Variants in PIK3CD observed in about 807,000 individuals in gnomAD.
PIK3CD encodes the protein phosphatidylinositol 4,5-bisphosphate 3-kinase catalytic subunit delta isoform.
A neutral mutation model predicts 122.9 loss-of-function variants in PIK3CD; 20 were observed. The ratio of observed to expected loss-of-function variants is 0.16; its 90% CI spans 0.11 to 0.24. PIK3CD has a LOEUF of 0.24. PIK3CD is among the 10% of genes least tolerant of loss of function. PIK3CD has a pLI of 1.00. For synonymous variants in PIK3CD, 596 were observed against 593.4 expected (o/e 1.00, Z -0.06); for missense variants, 787 against 1,406.3 (o/e 0.56, Z 7.04).
chr1:9,654,718 G>A, intron 1 of PIK3CD: 2 of 342,128 alleles, frequency 5.8e-6, no homozygotes, highest in South Asian at 2.2e-5. Flanking sequence ...GGGCCTGATG[G>A]TGGGGTTTGG....
Position 9,727,311 on chromosome 1 carries a change from C to G in PIK3CD, c.*265C>G. The G allele has an allele frequency of 1.9e-6, 1 of 528,230 alleles. No individual in the cohort carries two copies. The highest frequency in any genetic ancestry group is 3.4e-6 in the Non-Finnish European group (1 of 292,086). The allele number at this position is 528,230 out of a possible 1,614,324, so 32.7% of individuals were successfully genotyped here. A position where few individuals can be genotyped will look rare whatever the true frequency, so the allele number is the denominator to read the frequency against. On this transcript the variant is annotated 3_prime_UTR_variant, in exon 24 of 24. Coordinates refer to ENST00000377346, the MANE Select transcript of PIK3CD (RefSeq NM_005026.5). ...GGCTCTCGGCTGAGGATTGTCACCC[C>G]AAGTCTTCCAGCTGGTGGATCTGGG...
At chr1:9,703,254 C>T (rs780413926) in intron 2 of PIK3CD, among the ~76,000 whole-genome samples, 16 of 152,204 alleles carry the variant, frequency 1.1e-4, no homozygotes, top group Non-Finnish European at 1.9e-4. Flanking sequence ...AGGGAGATAA[C>T]GTGTAGTGAT....
chr1:9,726,806 A>G (rs1649715517), intron 23 of PIK3CD, 103 bp from the exon 24 acceptor site: 1 of 1,428,526 alleles, frequency 7.0e-7, no homozygotes, highest in African/African-American at 1.4e-5. Context: ...GGAGCTCTCT[A>G]CTAACCATTT....
At position 9,728,411 on chromosome 1, in the gene PIK3CD, A is replaced by T. The variant is rs1287982797; in HGVS notation, c.*1365A>T. 6.6e-6 allele frequency: 1 copy of T among 152,254 alleles called. No homozygotes were observed. Among genetic ancestry groups the T allele is most frequent in the Non-Finnish European group, 1.5e-5 (1 of 68,058 alleles). The allele number at this position is 152,254 out of a possible 1,614,324, so 9.4% of individuals were successfully genotyped here. Reference sequence around the variant, plus strand: ...GGGGCTAGGACTGTGGGCTTTTAGCAGCCCACAGGTGATCCTAACATATCA... The same window carrying T: ...GGGGCTAGGACTGTGGGCTTTTAGCTGCCCACAGGTGATCCTAACATATCA... On this transcript the variant is annotated 3_prime_UTR_variant, in exon 24 of 24. Coordinates refer to ENST00000377346, the MANE Select transcript of PIK3CD (RefSeq NM_005026.5).
chr1:9,720,977 T>C lies in PIK3CD; in HGVS notation c.1689+68T>C. On this transcript the variant is annotated intron_variant, in intron 13 of 23. Coordinates refer to ENST00000377346, the MANE Select transcript of PIK3CD (RefSeq NM_005026.5). The surrounding 1 kb of genome is among the most constrained non-coding windows in gnomAD (Gnocchi z 9.0). Reference sequence around the variant, plus strand: ...CACAGCCTCTGGCTACCCACCACCCTGACCCCGGCCAACCCCCACCCTCAC... The same window carrying C: ...CACAGCCTCTGGCTACCCACCACCCCGACCCCGGCCAACCCCCACCCTCAC... 6.8e-7 allele frequency: 1 copy of C among 1,478,406 alleles called. No homozygotes were observed. The highest frequency in any genetic ancestry group is 1.2e-5 in the South Asian group (1 of 83,226). The allele number at this position is 1,478,406 out of a possible 1,614,324, so 91.6% of individuals were successfully genotyped here.
At chr1:9,685,270 G>T (rs891557963) in intron 1 of PIK3CD, among the ~76,000 whole-genome samples, 3 of 152,106 alleles carry the variant, frequency 2.0e-5, no homozygotes, top group African/African-American at 7.2e-5. Flanking sequence ...TATTCTAATA[G>T]AATTAAAAGC....
Position 9,710,149 on chromosome 1 carries a change from A to G in PIK3CD, c.-32-275A>G. ...TTCGTGGATGTGTATGTTCCTGAGG[A>G]AAGATGATTTGCTGTGCGTGCTCCT... On this transcript the variant is annotated intron_variant, in intron 2 of 23. Transcript: ENST00000377346. The surrounding 1 kb of genome is among the most constrained non-coding windows in gnomAD (Gnocchi z 4.7). 2.3e-6 allele frequency: 1 copy of G among 432,486 alleles called. No homozygotes were observed. The highest frequency in any genetic ancestry group is 4.3e-6 in the Non-Finnish European group (1 of 230,342). 26.8% of individuals were successfully genotyped at this position (432,486 alleles called of 1,614,324 possible).
the PIK3CD span, among the ~76,000 whole-genome samples, chr1:9,645,499 C>A: frequency 6.6e-6 from 1 of 151,870 alleles, no homozygotes; most frequent in Non-Finnish European, 1.5e-5. Flanking sequence ...GCTCTTGTTG[C>A]CCAGGCTGGA....
At chr1:9,644,971 C>T in the PIK3CD span, among the ~76,000 whole-genome samples, 3,550 of 151,784 alleles carry the variant, frequency 0.023, 114 homozygotes, top group African/African-American at 0.071. Flanking sequence ...CAGGCCCTTC[C>T]GCAGAGCTTG....
rs1240754637 is a variant in PIK3CD, at chr1:9,652,925, T to C, written c.-138+1123T>C. Reference sequence around the variant, plus strand: ...CCTTGGGATCTGCCCAGTTTGCGGATGGAGCGCGGGGCTGATCGGGCAGGT... The same window carrying C: ...CCTTGGGATCTGCCCAGTTTGCGGACGGAGCGCGGGGCTGATCGGGCAGGT... On this transcript the variant is annotated intron_variant, in intron 1 of 23. Transcript: ENST00000377346. This position sits in a 1 kb window ranked among gnomAD's most constrained non-coding sequence, Gnocchi z 6.2. 1 of 152,268 alleles carries C rather than the reference T, an allele frequency of 6.6e-6. No homozygotes were observed. Among genetic ancestry groups the C allele is most frequent in the Non-Finnish European group, 1.5e-5 (1 of 68,118 alleles). 9.4% of individuals were successfully genotyped at this position (152,268 alleles called of 1,614,324 possible).
chr1:9,711,183 T>A (rs1230066859), intron 3 of PIK3CD, among the ~76,000 whole-genome samples: 4 of 152,032 alleles, frequency 2.6e-5, no homozygotes, highest in Non-Finnish European at 4.4e-5. Flanking sequence ...AACCTCTGCC[T>A]CCCAGGCTCA....
At position 9,718,644 on chromosome 1, in the gene PIK3CD, GA is replaced by G. The variant is rs1647954891; in HGVS notation, c.1021-49del. The G allele has an allele frequency of 6.5e-7, 1 of 1,527,374 alleles. No individual in the cohort carries two copies. Among genetic ancestry groups the G allele is most frequent in the Non-Finnish European group, 9.0e-7 (1 of 1,115,274 alleles). 94.6% of individuals were successfully genotyped at this position (1,527,374 alleles called of 1,614,324 possible). A position where few individuals can be genotyped will look rare whatever the true frequency, so the allele number is the denominator to read the frequency against. On this transcript the variant is annotated intron_variant, in intron 8 of 23. Coordinates refer to ENST00000377346, the MANE Select transcript of PIK3CD (RefSeq NM_005026.5). The surrounding 1 kb of genome is among the most constrained non-coding windows in gnomAD (Gnocchi z 7.2). ...GACTGACACCTTAAGGGGGAGGGGA[GA>G]GGGGCTGGGCCTCTGCCTCCTCACC...
At chr1:9,654,376 T>C (rs1057160156) in intron 1 of PIK3CD, 1 of 1,367,604 alleles carries the variant, frequency 7.3e-7, no homozygotes, top group East Asian at 4.6e-5. Context: ...AAGTGTTTCC[T>C]GAGATCACAC....
Position 9,722,575 on chromosome 1 carries a change from G to A in PIK3CD, c.2395G>A (p.Val799Ile), listed in dbSNP as rs778136495. 6.2e-6 allele frequency: 10 copies of A among 1,613,682 alleles called. No homozygotes were observed. Among genetic ancestry groups the A allele is most frequent in the Middle Eastern group, 1.7e-4 (1 of 6,060 alleles). Reference protein sequence around the residue: ...LTLQMIQLMDVLWKQEGLDLR... With the variant: ...LTLQMIQLMDILWKQEGLDLR... The stretch of plus-strand genomic sequence containing the variant: ...CCTGCAGATGATCCAGCTCATGGAC[G>A]TCCTGTGGAAGCAGGAGGGGCTGGA... Residue 799 changes from valine to isoleucine, a missense_variant, in exon 19 of 24, where the codon GTC (valine) becomes ATC (isoleucine). Physicochemically the swap from Val to Ile is conservative, Grantham distance 29 (BLOSUM62 3). This residue lies in a region of PIK3CD where 69 missense variants were observed against 166.8 expected (regional missense o/e 0.41). Coordinates refer to ENST00000377346, the MANE Select transcript of PIK3CD (RefSeq NM_005026.5). The surrounding 1 kb of genome is among the most constrained non-coding windows in gnomAD (Gnocchi z 7.6).
chr1:9,649,004 A>T (rs982005337), upstream of PIK3CD, among the ~76,000 whole-genome samples: 2 of 152,140 alleles, frequency 1.3e-5, no homozygotes, highest in African/African-American at 4.8e-5. Context: ...TGGGAGGCTG[A>T]GGCATGAGAG....
chr1:9,720,625 G>A lies in PIK3CD; in HGVS notation c.1485G>A (p.Gly495=). The stretch of plus-strand genomic sequence containing the variant: ...GTTTGTTGCAGATCTTGGAGCTGGG[G>A]CGACACAGCGAGTGTGTGCATGTCA... ...YPALEKILEL[G]RHSECVHVTE... Residue 495 remains glycine (G), a synonymous_variant, in exon 12 of 24, where the codon GGG becomes GGA. Coordinates refer to ENST00000377346, the MANE Select transcript of PIK3CD (RefSeq NM_005026.5). The surrounding 1 kb of genome is among the most constrained non-coding windows in gnomAD (Gnocchi z 9.0). 1.3e-6 allele frequency: 2 copies of A among 1,504,898 alleles called. No homozygotes were observed. The highest frequency in any genetic ancestry group is 1.8e-6 in the Non-Finnish European group (2 of 1,124,436). 93.2% of individuals were successfully genotyped at this position (1,504,898 alleles called of 1,614,324 possible).
intron 2 of PIK3CD, among the ~76,000 whole-genome samples, chr1:9,709,733 A>G (rs1646976457): frequency 1.3e-5 from 2 of 151,918 alleles, no homozygotes; most frequent in Admixed American, 6.6e-5. Flanking sequence ...ACAGCTGGGT[A>G]TGGTGGCTCA....
chr1:9,650,436 GAAAC>G (rs1298767551), upstream of PIK3CD, among the ~76,000 whole-genome samples: 2 of 151,426 alleles, frequency 1.3e-5, no homozygotes, highest in East Asian at 1.9e-4. Context: ...ACAAAACAAA[GAAAC>G]AAAACAACAA....
chr1:9,678,074 G>C (rs1645605083), intron 1 of PIK3CD, among the ~76,000 whole-genome samples: 1 of 151,692 alleles, frequency 6.6e-6, no homozygotes, highest in African/African-American at 2.4e-5. Context: ...AGCCCGGGAG[G>C]CGGAGGTTGC....
Sources: allele counts gnomAD v4.1 joint callset (sites outside exome capture counted in the v4.1 genomes callset), GRCh38; gene constraint gnomAD v4.1.1; regional missense constraint gnomAD v4.1.1; non-coding constraint Gnocchi (gnomAD v3.1); transcripts MANE v1.5; gene names NCBI Gene and HGNC (gene_info 2026-07-23, HGNC 2026-07-21).